Variants in GLRA2 observed in about 807,000 individuals in gnomAD.
GLRA2 encodes the protein glycine receptor alpha 2.
GLRA2 carries 11 observed loss-of-function variants against 31.6 expected under a neutral mutation model. The ratio of observed to expected loss-of-function variants is 0.35; its 90% CI spans 0.22 to 0.58. The LOEUF is 0.58. Among genes scored for constraint, GLRA2 ranks in the 20% least tolerant of loss-of-function variants. The probability of loss-of-function intolerance (pLI) is 0.84; values close to 1 mark genes in which losing one functional copy is unlikely to be tolerated. For synonymous variants in GLRA2, 132 were observed against 134.0 expected (o/e 0.99, Z 0.10); for missense variants, 212 against 351.8 (o/e 0.60, Z 3.18).
At chrX:14,701,128 CAG>C (rs1332412643) in intron 8 of GLRA2, among the ~76,000 whole-genome samples, 2 of 110,404 alleles carry the variant, frequency 1.8e-5, no homozygotes, top group African/African-American at 6.6e-5. Flanking sequence ...AGGGAGGTGA[CAG>C]AGTAGGAGGT....
Position 14,631,105 on chromosome X carries a change from A to G in GLRA2, c.930+21900A>G, listed in dbSNP as rs143035303. On this transcript the variant is annotated intron_variant, in intron 7 of 8. Transcript: ENST00000218075. Reference sequence around the variant, plus strand: ...TTGGAGAGGACAAAACATTCAAATCATAGCACTCTGTTTCATTTTAGTTTT... The same window carrying G: ...TTGGAGAGGACAAAACATTCAAATCGTAGCACTCTGTTTCATTTTAGTTTT... 9.2e-3 allele frequency among the ~76,000 whole-genome samples: 1,024 copies of G among 111,349 alleles called. 14 individuals carry two copies. The highest frequency in any genetic ancestry group is 0.032 in the African/African-American group (981 of 30,658).
the GLRA2 span, among the ~76,000 whole-genome samples, chrX:14,460,277 T>C: frequency 1.8e-5 from 2 of 112,090 alleles, no homozygotes; most frequent in Non-Finnish European, 3.8e-5. Context: ...GGTTTGCCAG[T>C]GTTTTATTGA....
At chrX:14,552,599 C>T (rs770754660) in intron 2 of GLRA2, among the ~76,000 whole-genome samples, 34 of 112,106 alleles carry the variant, frequency 3.0e-4, no homozygotes, top group African/African-American at 1.0e-3. Flanking sequence ...GCAGGCTAAT[C>T]GTGTCTGCGT....
chrX:14,549,591 A>G (rs1222041395), intron 2 of GLRA2, among the ~76,000 whole-genome samples: 1 of 111,686 alleles, frequency 9.0e-6, no homozygotes, highest in Admixed American at 9.5e-5. Context: ...ATTGCATCAG[A>G]CAAGATGTAG....
chrX:14,497,338 T>C, the GLRA2 span, among the ~76,000 whole-genome samples: 1 of 111,928 alleles, frequency 8.9e-6, no homozygotes, highest in Non-Finnish European at 1.9e-5. Flanking sequence ...AAAGTGAAAG[T>C]AGAGGGAACA....
At chrX:14,464,171 G>A in the GLRA2 span, among the ~76,000 whole-genome samples, 26 of 112,285 alleles carry the variant, frequency 2.3e-4, no homozygotes, top group East Asian at 6.7e-3. Context: ...TCTTTGATGT[G>A]CAGCAGCTTT....
At chrX:14,461,291 AGT>A in the GLRA2 span, among the ~76,000 whole-genome samples, 1 of 111,488 alleles carries the variant, frequency 9.0e-6, no homozygotes, top group East Asian at 2.8e-4. Context: ...TTTTAGAATA[AGT>A]GTGATGTGGT....
chrX:14,571,638 A>G (rs1218247409), intron 2 of GLRA2, among the ~76,000 whole-genome samples: 1 of 111,876 alleles, frequency 8.9e-6, no homozygotes, highest in Non-Finnish European at 1.9e-5. Context: ...TGAAGAATGA[A>G]ATAATACATT....
At chrX:14,639,289 G>A (rs763391015) in intron 7 of GLRA2, among the ~76,000 whole-genome samples, 2 of 111,330 alleles carry the variant, frequency 1.8e-5, no homozygotes, top group Non-Finnish European at 3.8e-5. Context: ...TGACACTGTA[G>A]ACCTTATCCC....
intron 8 of GLRA2, among the ~76,000 whole-genome samples, chrX:14,720,678 T>C: frequency 8.9e-6 from 1 of 112,066 alleles, no homozygotes; most frequent in East Asian, 2.8e-4. Context: ...ATTCTGCTAT[T>C]TGAAACATCT....
At chrX:14,615,219 T>C (rs1004430555) in intron 7 of GLRA2, among the ~76,000 whole-genome samples, 1 of 112,053 alleles carries the variant, frequency 8.9e-6, no homozygotes, top group Non-Finnish European at 1.9e-5. Flanking sequence ...TCACAGTAGG[T>C]GCTCAGTAAA....
At chrX:14,595,689 A>G (rs1241445731) in intron 4 of GLRA2, among the ~76,000 whole-genome samples, 2 of 111,344 alleles carry the variant, frequency 1.8e-5, no homozygotes, top group African/African-American at 6.5e-5. Context: ...CAGGTATGTA[A>G]GAATAGATAA....
At chrX:14,658,481 A>G (rs1475064888) in intron 7 of GLRA2, among the ~76,000 whole-genome samples, 1 of 111,867 alleles carries the variant, frequency 8.9e-6, no homozygotes, top group Non-Finnish European at 1.9e-5. Context: ...CCTCATCATA[A>G]GCAATGCATG....
chrX:14,658,949 A>AG (rs2090966333), intron 7 of GLRA2, among the ~76,000 whole-genome samples: 1 of 111,989 alleles, frequency 8.9e-6, no homozygotes, highest in Non-Finnish European at 1.9e-5. Context: ...AGGGTAAATG[A>AG]ATACAAATCC....
chrX:14,527,655 T>C (rs2089196043), upstream of GLRA2, among the ~76,000 whole-genome samples: 1 of 111,461 alleles, frequency 9.0e-6, no homozygotes, highest in South Asian at 3.8e-4. Context: ...AAGACTATAT[T>C]ATTTAAGCAT....
intron 2 of GLRA2, among the ~76,000 whole-genome samples, chrX:14,559,994 G>A (rs1419345769): frequency 9.0e-6 from 1 of 111,405 alleles, no homozygotes; most frequent in Non-Finnish European, 1.9e-5. Context: ...AAAGCACCAT[G>A]CAACGCAGGA....
chrX:14,571,867 C>G (rs2089889589), intron 2 of GLRA2, among the ~76,000 whole-genome samples: 1 of 111,146 alleles, frequency 9.0e-6, no homozygotes, highest in African/African-American at 3.3e-5. Flanking sequence ...AGGAGGGCAA[C>G]AGGATATTAT....
chrX:14,469,162 T>C, the GLRA2 span, among the ~76,000 whole-genome samples: 1 of 111,366 alleles, frequency 9.0e-6, no homozygotes, highest in African/African-American at 3.3e-5. Context: ...AGAAGCTCTT[T>C]AGTTTAATTA....
rs753628388 is a variant in GLRA2 at position 14,685,210 on chromosome X, C to T, written c.931-5500C>T. 9.0e-5 allele frequency among the ~76,000 whole-genome samples: 10 copies of T among 111,287 alleles called. No individual in the cohort carries two copies. The East Asian group carries it at 1.4e-3, about 16-fold the overall frequency. On this transcript the variant is annotated intron_variant, in intron 7 of 8. Coordinates refer to ENST00000218075, the MANE Select transcript of GLRA2 (RefSeq NM_002063.4). ...AAGCTTTTTGATGTGCTGCTGGATT[C>T]GGTTTGCCAGTATTTTATTGAGGAG...
Sources: gnomAD v4.1 joint callset for allele counts (sites outside exome capture counted in the v4.1 genomes callset) on GRCh38, gnomAD v4.1.1 for gene constraint, MANE v1.5 for transcripts, NCBI Gene and HGNC (gene_info 2026-07-23, HGNC 2026-07-21) for gene names.